Variants in SLC49A3 observed in about 807,000 individuals in gnomAD.
SLC49A3 encodes solute carrier family 49 member A3.
SLC49A3 carries 50 observed loss-of-function variants against 43.8 expected under a neutral mutation model. That is an observed-to-expected ratio of 1.14 (90% CI 0.91 to 1.45). The LOEUF is 1.45. SLC49A3 is among the 40% of genes most tolerant of loss of function. SLC49A3 has a pLI of 0.00. For missense variants in SLC49A3, 906 were observed against 774.1 expected, an observed-to-expected ratio of 1.17 and a Z score of -2.02; for synonymous variants, 413 against 352.0, an observed-to-expected ratio of 1.17 and a Z score of -1.94.
At chr4:679,111 C>T (rs1332428627), downstream of SLC49A3, 1 of 1,393,946 alleles carries the variant, frequency 7.2e-7, no homozygotes, top group African/African-American at 1.4e-5. Context: ...ACGCCGCGGC[C>T]CCTCCTCGAA....
In SLC49A3 at chr4:685,875, G is replaced by C; in HGVS notation, c.545C>G (p.Ser182Cys). 6.2e-7 allele frequency: 1 copy of C among 1,613,984 alleles called. No homozygotes were observed. Among genetic ancestry groups the C allele is most frequent in the Non-Finnish European group, 8.5e-7 (1 of 1,180,024 alleles). The change falls in exon 4 of 10, where the codon TCC (serine) becomes TGC (cysteine). Residue 182 changes from serine (S) to cysteine (C), a missense_variant. By Grantham distance (112) the Ser-to-Cys change is moderately radical. Transcript: ENST00000322224. The surrounding 1 kb of genome is among the most constrained non-coding windows in gnomAD (Gnocchi z 4.3). ...CTCACCCTTCTTGACCAGCACAGGG[G>C]ACAGCACATTGGCCACAAGGACGCC... ...PLGVLVANVL[S>C]PVLVKKGEDI...
Position 682,225 on chromosome 4 carries a change from C to T in SLC49A3, c.1413G>A (p.Val471=). 1.5e-6 allele frequency: 2 copies of T among 1,378,978 alleles called. No individual in the cohort carries two copies. The highest frequency in any genetic ancestry group is 2.8e-5 in the East Asian group (1 of 35,586). The allele number at this position is 1,378,978 out of a possible 1,614,324, so 85.4% of individuals were successfully genotyped here. ...CAGCCCTTCCTGCTCCCCCTCGGTC[C>T]ACACCCGGCCCTGAGTCTGCGCCGC... ...AVGGADSGPG[V]DRGGAGRAGV... Residue 471 remains valine, a synonymous_variant, in exon 10 of 10, where the codon GTG becomes GTA. Coordinates refer to ENST00000322224, the MANE Select transcript of SLC49A3 (RefSeq NM_032219.4).
chr4:676,832 C>A, downstream of SLC49A3: 4 of 971,512 alleles, frequency 4.1e-6, no homozygotes, highest in Non-Finnish European at 4.9e-6. Context: ...ACCTTGCAGT[C>A]GGCCCCAGGT....
At chr4:689,222 G>A, upstream of SLC49A3, 2 of 777,804 alleles carry the variant, frequency 2.6e-6, no homozygotes, top group Non-Finnish European at 3.4e-6. Flanking sequence ...GGCGGAGGTG[G>A]GGCCGGGCCG....
chr4:681,471 C>A (rs138857123), downstream of SLC49A3, among the ~76,000 whole-genome samples: 3 of 148,788 alleles, frequency 2.0e-5, no homozygotes, highest in African/African-American at 7.5e-5. Context: ...CCAGCCCCAG[C>A]GGGCGAGACT....
At position 685,793 on chromosome 4, in the gene SLC49A3, C is replaced by T. The variant is rs770223286; in HGVS notation, c.585+42G>A. ...AGGAACACACAGACGTGCATGCGCA[C>T]ACACCACACAGACCAGGCACGGGCG... On this transcript the variant is annotated intron_variant, in intron 4 of 9. Transcript: ENST00000322224. The surrounding 1 kb of genome is among the most constrained non-coding windows in gnomAD (Gnocchi z 4.3). 1 of 1,604,034 alleles carries T rather than the reference C, an allele frequency of 6.2e-7. No homozygotes were observed. Among genetic ancestry groups the T allele is most frequent in the Admixed American group, 1.7e-5 (1 of 59,950 alleles).
chr4:689,119 C>T lies in SLC49A3; in HGVS notation c.9G>A (p.Gly3=). The T allele has an allele frequency of 7.1e-7, 1 of 1,399,842 alleles. No individual in the cohort carries two copies. The highest frequency in any genetic ancestry group is 9.2e-7 in the Non-Finnish European group (1 of 1,084,480). The allele number at this position is 1,399,842 out of a possible 1,614,324, so 86.7% of individuals were successfully genotyped here. A position where few individuals can be genotyped will look rare whatever the true frequency, so the allele number is the denominator to read the frequency against. The change falls in exon 1 of 10, where the codon GGG becomes GGA. Residue 3 remains glycine (G), a synonymous_variant. Transcript: ENST00000322224. MA[G]PTEAETGLAE... ...CCAACCCCGTCTCGGCCTCCGTCGG[C>T]CCCGCCATCGTCGGCGGCCTCCACG...
chr4:683,142 C>T, intron 8 of SLC49A3, 68 bp downstream of exon 8: 1 of 1,599,384 alleles, frequency 6.3e-7, no homozygotes. Context: ...ATGGTGCAAC[C>T]CCAGGGGTGT....
rs190217631 is a variant in SLC49A3, at chr4:686,868, G to A, written c.136-178C>T. On this transcript the variant is annotated intron_variant, in intron 1 of 9. Transcript: ENST00000322224. ...GCGCCACCCTGCCTCCCCCGAGGGCGGGCACCCAGCGCAGGGTCAGAGAGC... is the reference window on the plus strand; with the variant it reads ...GCGCCACCCTGCCTCCCCCGAGGGCAGGCACCCAGCGCAGGGTCAGAGAGC... Among the ~76,000 whole-genome samples, 693 of 152,308 alleles carry A rather than the reference G, an allele frequency of 4.5e-3. 6 individuals carry two copies. Among genetic ancestry groups the A allele is most frequent in the African/African-American group, 0.016 (676 of 41,572 alleles).
At chr4:682,720 G>A (rs1740035641) in intron 9 of SLC49A3, 61 bp downstream of exon 9, 3 of 1,364,034 alleles carry the variant, frequency 2.2e-6, no homozygotes, top group Non-Finnish European at 3.0e-6. Flanking sequence ...CCCGCTCCCA[G>A]GGAATCTTCA....
chr4:690,387 C>G (rs893155766), upstream of SLC49A3, among the ~76,000 whole-genome samples: 16 of 152,108 alleles, frequency 1.1e-4, no homozygotes, highest in African/African-American at 3.6e-4. Flanking sequence ...TAGCCTCCCC[C>G]CTCATCTTTG....
In SLC49A3 at chr4:685,738, G is replaced by T; in HGVS notation, c.585+97C>A. 7.5e-7 allele frequency: 1 copy of T among 1,327,026 alleles called. No homozygotes were observed. The highest frequency in any genetic ancestry group is 1.1e-6 in the Non-Finnish European group (1 of 935,326). 82.2% of individuals were successfully genotyped at this position (1,327,026 alleles called of 1,614,324 possible). On this transcript the variant is annotated intron_variant, in intron 4 of 9. Transcript: ENST00000322224. This position sits in a 1 kb window ranked among gnomAD's most constrained non-coding sequence, Gnocchi z 4.3. ...GGGGCGGGGGACGGGAATCACACAC[G>T]GGCACAGGAACACGGACACACTTGG...
intron 2 of SLC49A3, 85 bp downstream of exon 2, chr4:686,447 G>A: frequency 6.4e-7 from 1 of 1,566,408 alleles, no homozygotes; most frequent in Non-Finnish European, 8.6e-7. Flanking sequence ...GTGGGCCCCG[G>A]TCTGGGGAGG....
chr4:678,870 C>A, downstream of SLC49A3: 1 of 1,608,614 alleles, frequency 6.2e-7, no homozygotes, highest in Non-Finnish European at 8.5e-7. Context: ...AGCCTATCCT[C>A]AGTCAGGGGT....
chr4:683,590 G>A lies in SLC49A3; in HGVS notation c.993+19C>T. On this transcript the variant is annotated intron_variant, in intron 7 of 9. Transcript: ENST00000322224. ...CCACCCACCCCCACAGGGCAGTCTT[G>A]GCTTGAGGAGACCCTCACCAGGGCA... is the stretch of plus-strand genomic sequence containing the variant. 1 of 1,101,636 alleles carries A rather than the reference G, an allele frequency of 9.1e-7. No individual in the cohort carries two copies. The highest frequency in any genetic ancestry group is 1.3e-6 in the Non-Finnish European group (1 of 762,100). The allele number at this position is 1,101,636 out of a possible 1,614,324, so 68.2% of individuals were successfully genotyped here. A position where few individuals can be genotyped will look rare whatever the true frequency, so the allele number is the denominator to read the frequency against.
chr4:679,253 C>G (rs1739190931), downstream of SLC49A3: 2 of 665,054 alleles, frequency 3.0e-6, no homozygotes, highest in East Asian at 5.6e-5. Context: ...TGGGACAGCC[C>G]AAGCCTGGAA....
chr4:682,388 T>C lies in SLC49A3; in HGVS notation c.1262-12A>G, dbSNP rs369337725. 6.0e-4 allele frequency: 800 copies of C among 1,330,918 alleles called. No individual in the cohort carries two copies. The highest frequency in any genetic ancestry group is 7.4e-4 in the Non-Finnish European group (764 of 1,032,136). 82.4% of individuals were successfully genotyped at this position (1,330,918 alleles called of 1,614,324 possible). A position where few individuals can be genotyped will look rare whatever the true frequency, so the allele number is the denominator to read the frequency against. On this transcript the variant is annotated splice_polypyrimidine_tract_variant and intron_variant, in intron 9 of 9. Coordinates refer to ENST00000322224, the MANE Select transcript of SLC49A3 (RefSeq NM_032219.4). ...CAGCAGCAGAGACACTGGGGACACA[T>C]AGCACAGCTGTCCCCACAGCCAAGC...
intron 1 of SLC49A3, among the ~76,000 whole-genome samples, chr4:687,477 G>T (rs1464494323): frequency 6.6e-6 from 1 of 152,188 alleles, no homozygotes; most frequent in Admixed American, 6.5e-5. Context: ...TGCAGGACGG[G>T]GCCAGGCACA....
intron 1 of SLC49A3, chr4:687,148 C>A (rs1309970358): frequency 5.8e-6 from 1 of 173,004 alleles, no homozygotes; most frequent in African/African-American, 2.4e-5. Context: ...CAGCCACAGG[C>A]ATTATCAAGT....
Sources: gnomAD v4.1 joint callset for allele counts (sites outside exome capture counted in the v4.1 genomes callset) on GRCh38, gnomAD v4.1.1 for gene constraint, Gnocchi (gnomAD v3.1) non-coding constraint, MANE v1.5 for transcripts, NCBI Gene and HGNC (gene_info 2026-07-23, HGNC 2026-07-21) for gene names.